AKAIN1: variants seen among roughly 807,000 people sequenced by gnomAD.
The protein encoded by AKAIN1 is A-kinase anchor protein inhibitor 1.
Under a neutral mutation model 3.7 loss-of-function variants are expected in AKAIN1, and 3 were observed. The observed-to-expected ratio is 0.82, with a 90% CI of 0.37 to 2.12. The LOEUF is 2.12. AKAIN1 is among the 30% of genes most tolerant of loss of function. AKAIN1 has a pLI of 0.06. For missense variants in AKAIN1, 82 were observed against 82.7 expected, an observed-to-expected ratio of 0.99 and a Z score of 0.03; for synonymous variants, 31 against 30.8, an observed-to-expected ratio of 1.01 and a Z score of -0.02.
At chr18:5,175,546 C>T (rs907045196) in intron 1 of AKAIN1, among the ~76,000 whole-genome samples, 1 of 152,104 alleles carries the variant, frequency 6.6e-6, no homozygotes, top group African/African-American at 2.4e-5. Context: ...GTTCCTTTTC[C>T]TTTCAGCCCT....
At chr18:5,190,453 A>T (rs959267394) in intron 1 of AKAIN1, among the ~76,000 whole-genome samples, 1 of 152,338 alleles carries the variant, frequency 6.6e-6, no homozygotes, top group Admixed American at 6.5e-5. Context: ...ATTTACTAAA[A>T]ATTGAATTTA....
intron 1 of AKAIN1, among the ~76,000 whole-genome samples, chr18:5,193,822 G>A (rs1352120184): frequency 6.6e-6 from 1 of 152,176 alleles, no homozygotes; most frequent in Non-Finnish European, 1.5e-5. Context: ...CTGAATGTAA[G>A]ATATTGCTAT....
intron 1 of AKAIN1, among the ~76,000 whole-genome samples, chr18:5,175,865 T>C (rs564771913): frequency 2.0e-5 from 3 of 152,234 alleles, no homozygotes; most frequent in South Asian, 2.1e-4. Context: ...AACACCATGA[T>C]ATGAGGAGAC....
chr18:5,168,513 C>T (rs150830804), intron 1 of AKAIN1, among the ~76,000 whole-genome samples: 1 of 152,164 alleles, frequency 6.6e-6, no homozygotes, highest in East Asian at 1.9e-4. Flanking sequence ...AAACTCATGC[C>T]CATTCCTCCT....
At chr18:5,174,426 G>A (rs2071214447) in intron 1 of AKAIN1, among the ~76,000 whole-genome samples, 1 of 152,116 alleles carries the variant, frequency 6.6e-6, no homozygotes, top group Admixed American at 6.5e-5. Flanking sequence ...CTTGTATAAA[G>A]CACTGAGGGG....
chr18:5,182,902 T>C (rs1220158650), intron 1 of AKAIN1, among the ~76,000 whole-genome samples: 1 of 152,072 alleles, frequency 6.6e-6, no homozygotes, highest in African/African-American at 2.4e-5. Flanking sequence ...AAGAGCATCT[T>C]ATATCCTCTA....
chr18:5,194,136 A>G (rs559694306), intron 1 of AKAIN1, among the ~76,000 whole-genome samples: 1 of 152,276 alleles, frequency 6.6e-6, no homozygotes, highest in Admixed American at 6.5e-5. Flanking sequence ...TATACTTTAT[A>G]CCTCATTTAA....
chr18:5,177,531 T>G (rs1315068996), intron 1 of AKAIN1, among the ~76,000 whole-genome samples: 2 of 152,148 alleles, frequency 1.3e-5, no homozygotes, highest in Non-Finnish European at 2.9e-5. Context: ...CCTATATCTA[T>G]AATTACCTTT....
intron 1 of AKAIN1, among the ~76,000 whole-genome samples, chr18:5,173,212 A>G (rs752954790): frequency 6.6e-6 from 1 of 152,206 alleles, no homozygotes; most frequent in Non-Finnish European, 1.5e-5. Flanking sequence ...ACTGGACACA[A>G]TTGCTGAAAG....
rs1178083760 is a variant in AKAIN1, at chr18:5,177,609, C to A, written c.16+19429G>T. Among the ~76,000 whole-genome samples, 4 of 152,152 alleles carry A rather than the reference C, an allele frequency of 2.6e-5. No individual in the cohort carries two copies. In the East Asian group the frequency reaches 7.7e-4, roughly 29 times the overall value. ...CCTCTAAACAAAGTAAGATACTTAG[C>A]ACATTAAATAACATTAAATATTTAT... On this transcript the variant is annotated intron_variant, in intron 1 of 1. Transcript: ENST00000434239.
At chr18:5,158,101 GCAT>G (rs1384088164) in intron 1 of AKAIN1, among the ~76,000 whole-genome samples, 1 of 152,160 alleles carries the variant, frequency 6.6e-6, no homozygotes, top group Non-Finnish European at 1.5e-5. Flanking sequence ...GTCCCCTAGA[GCAT>G]CTGCTCTCAA....
chr18:5,153,602 G>T (rs2071090731), intron 1 of AKAIN1, among the ~76,000 whole-genome samples: 1 of 152,156 alleles, frequency 6.6e-6, no homozygotes, highest in Non-Finnish European at 1.5e-5. Context: ...TAATGAAAGT[G>T]ACTACTTCAT....
intron 1 of AKAIN1, among the ~76,000 whole-genome samples, chr18:5,152,350 C>G (rs192648434): frequency 5.3e-5 from 8 of 152,266 alleles, no homozygotes; most frequent in Admixed American, 5.2e-4. Context: ...GGAACAGGAT[C>G]GGTATGAGAA....
Position 5,163,643 on chromosome 18 carries a change from A to G in AKAIN1, c.17-17888T>C, listed in dbSNP as rs868622671. 3.9e-5 allele frequency: 6 copies of G among 152,166 alleles called. No homozygotes were observed. The South Asian group carries it at 6.2e-4, about 16-fold the overall frequency. 9.4% of individuals were successfully genotyped at this position (152,166 alleles called of 1,614,324 possible). A position where few individuals can be genotyped will look rare whatever the true frequency, so the allele number is the denominator to read the frequency against. Reference sequence around the variant, plus strand: ...ACATTTCCCCCCATATATGCTTGAAATTCCTTGTATGTTAAAGTCATGTTG... The same window carrying G: ...ACATTTCCCCCCATATATGCTTGAAGTTCCTTGTATGTTAAAGTCATGTTG... On this transcript the variant is annotated intron_variant, in intron 1 of 1. Transcript: ENST00000434239.
chr18:5,194,315 G>C (rs957103072), intron 1 of AKAIN1, among the ~76,000 whole-genome samples: 5 of 151,994 alleles, frequency 3.3e-5, no homozygotes, highest in Non-Finnish European at 7.4e-5. Context: ...TTAATAATAA[G>C]AGAAAGAGGA....
At position 5,197,148 on chromosome 18, in the gene AKAIN1, A is replaced by T. The variant is rs965904412; in HGVS notation, c.-95T>A. ...CGGACTTGGCGGGGTCCGGTGCAGG[A>T]GGGCGCGCTGGGCGGGCGGCGGGCG... On this transcript the variant is annotated 5_prime_UTR_variant, in exon 1 of 2. Coordinates refer to ENST00000434239, the MANE Select transcript of AKAIN1 (RefSeq NM_001145194.2). The surrounding 1 kb of genome is among the most constrained non-coding windows in gnomAD (Gnocchi z 6.9). 1.2e-5 allele frequency: 18 copies of T among 1,531,288 alleles called. No homozygotes were observed. Among genetic ancestry groups the T allele is most frequent in the Non-Finnish European group, 1.6e-5 (18 of 1,141,650 alleles). 94.9% of individuals were successfully genotyped at this position (1,531,288 alleles called of 1,614,324 possible).
At chr18:5,166,952 C>A (rs2071171050) in intron 1 of AKAIN1, among the ~76,000 whole-genome samples, 1 of 152,078 alleles carries the variant, frequency 6.6e-6, no homozygotes, top group Non-Finnish European at 1.5e-5. Flanking sequence ...GTGACAGTGA[C>A]TAGCAATCCG....
At position 5,143,475 on chromosome 18, in the gene AKAIN1, C is replaced by T. The variant is rs1198929329; in HGVS notation, c.*2087G>A. ...GATCAAAAGACCACTTCTTAGCATA[C>T]ATCCTTTTCTCTTCAAGCCTCAGGA... On this transcript the variant is annotated 3_prime_UTR_variant, in exon 2 of 2. Coordinates refer to ENST00000434239, the MANE Select transcript of AKAIN1 (RefSeq NM_001145194.2). Among the ~76,000 whole-genome samples, 3 of 152,176 alleles carry T rather than the reference C, an allele frequency of 2.0e-5. No homozygotes were observed. The highest frequency in any genetic ancestry group is 1.3e-4 in the Admixed American group (2 of 15,270).
chr18:5,191,149 C>G (rs549478709), intron 1 of AKAIN1, among the ~76,000 whole-genome samples: 4 of 152,096 alleles, frequency 2.6e-5, no homozygotes, highest in Non-Finnish European at 5.9e-5. Context: ...CTTATTACTC[C>G]TATTTAATAT....
Sources: allele counts gnomAD v4.1 joint callset (sites outside exome capture counted in the v4.1 genomes callset), GRCh38; gene constraint gnomAD v4.1.1; non-coding constraint Gnocchi (gnomAD v3.1); transcripts MANE v1.5; gene names NCBI Gene and HGNC (gene_info 2026-07-23, HGNC 2026-07-21).